Variants in CCND1 observed in about 807,000 individuals in gnomAD.
The protein encoded by CCND1 is cyclin D1.
CCND1 carries 9 observed loss-of-function variants against 26.1 expected under a neutral mutation model. The observed-to-expected ratio is 0.35, with a 90% CI of 0.21 to 0.60. The LOEUF (loss-of-function observed/expected upper bound fraction) is 0.60. CCND1 is among the 20% of genes least tolerant of loss of function. The probability of loss-of-function intolerance (pLI) is 0.79; values close to 1 mark genes in which losing one functional copy is unlikely to be tolerated. For missense variants in CCND1, 335 were observed against 392.9 expected (o/e 0.85, Z 1.25); for synonymous variants, 194 against 166.1 (o/e 1.17, Z -1.29).
At chr11:69,644,178 G>A (rs751546061) in intron 3 of CCND1, 187 bp downstream of exon 3, 6 of 637,840 alleles carry the variant, frequency 9.4e-6, no homozygotes, top group South Asian at 9.1e-5. Flanking sequence ...CTGGATGGAG[G>A]GAGATTTGCT....
At position 69,652,560 on chromosome 11, in the gene CCND1, C is replaced by T. The variant is rs1044555453; in HGVS notation, c.*1278C>T. On this transcript the variant is annotated 3_prime_UTR_variant, in exon 5 of 5. Transcript: ENST00000227507. ...TTTAAAGAAGTTGAAGTTTAGGAAT[C>T]CTTTGGTGCCAACTGGTGTTTGAAA... 2.6e-5 allele frequency: 6 copies of T among 233,142 alleles called. No homozygotes were observed. Among genetic ancestry groups the T allele is most frequent in the Admixed American group, 1.1e-4 (2 of 17,778 alleles). 14.4% of individuals were successfully genotyped at this position (233,142 alleles called of 1,614,324 possible). A position where few individuals can be genotyped will look rare whatever the true frequency, so the allele number is the denominator to read the frequency against.
At chr11:69,647,594 T>C (rs977940616) in intron 3 of CCND1, among the ~76,000 whole-genome samples, 3 of 152,234 alleles carry the variant, frequency 2.0e-5, no homozygotes, top group African/African-American at 7.2e-5. Flanking sequence ...GTTAGGGTCA[T>C]AGAAGCGACA....
At chr11:69,642,882 G>A (rs545015306) in intron 1 of CCND1, 149 bp from the exon 2 acceptor site, 21 of 433,276 alleles carry the variant, frequency 4.8e-5, no homozygotes, top group African/African-American at 3.3e-4. Flanking sequence ...GGGAGGGGGC[G>A]CATCACGGGA....
At chr11:69,642,809 G>A (rs1337787402) in intron 1 of CCND1, among the ~76,000 whole-genome samples, 1 of 151,878 alleles carries the variant, frequency 6.6e-6, no homozygotes, top group African/African-American at 2.4e-5. Flanking sequence ...CGCCCCCACC[G>A]TGCCAGCCTC....
At chr11:69,648,975 C>T (rs184685926) in intron 4 of CCND1, among the ~76,000 whole-genome samples, 20 of 152,322 alleles carry the variant, frequency 1.3e-4, no homozygotes, top group South Asian at 2.1e-4. Flanking sequence ...CTGGGAGTAG[C>T]GGCTGCCCAG....
chr11:69,654,018 T>A lies in CCND1; in HGVS notation c.*2736T>A. 1.7e-6 allele frequency: 1 copy of A among 599,388 alleles called. No homozygotes were observed. Among genetic ancestry groups the A allele is most frequent in the Non-Finnish European group, 3.0e-6 (1 of 336,118 alleles). The allele number at this position is 599,388 out of a possible 1,614,324, so 37.1% of individuals were successfully genotyped here. A position where few individuals can be genotyped will look rare whatever the true frequency, so the allele number is the denominator to read the frequency against. ...TGTGTGCCCCGGTCACCTAGCAAGC[T>A]GCCGAACCAAAAGAATTTGCACCCC... On this transcript the variant is annotated 3_prime_UTR_variant, in exon 5 of 5. Coordinates refer to ENST00000227507, the MANE Select transcript of CCND1 (RefSeq NM_053056.3). This position sits in a 1 kb window ranked among gnomAD's most constrained non-coding sequence, Gnocchi z 6.3.
At chr11:69,646,234 G>C (rs1448638384) in intron 3 of CCND1, among the ~76,000 whole-genome samples, 2 of 152,200 alleles carry the variant, frequency 1.3e-5, no homozygotes, top group African/African-American at 4.8e-5. Flanking sequence ...TTTCATTCAT[G>C]GCTCCCGGCT....
intron 1 of CCND1, 49 bp downstream of exon 1, chr11:69,641,560 C>T (rs1855700389): frequency 1.3e-6 from 2 of 1,569,356 alleles, no homozygotes; most frequent in Non-Finnish European, 8.7e-7. Context: ...AACTTGTTGC[C>T]CAGACCCACG....
chr11:69,650,089 T>C (rs1006925787), intron 4 of CCND1, among the ~76,000 whole-genome samples: 2 of 152,326 alleles, frequency 1.3e-5, no homozygotes, highest in Middle Eastern at 3.4e-3. Context: ...GCTATGCCTT[T>C]GTCCAGCCCC....
chr11:69,647,950 G>A (rs756456317), intron 3 of CCND1, 44 bp from the exon 4 acceptor site: 1 of 1,608,654 alleles, frequency 6.2e-7, no homozygotes, highest in Non-Finnish European at 8.5e-7. Flanking sequence ...GCCCTGAGAG[G>A]GTCCCCTGCT....
chr11:69,647,664 C>T (rs998372872), intron 3 of CCND1, among the ~76,000 whole-genome samples: 2 of 152,248 alleles, frequency 1.3e-5, no homozygotes, highest in African/African-American at 4.8e-5. Context: ...TGATAACATT[C>T]ACAAGGCTCA....
chr11:69,648,112 C>A lies in CCND1; in HGVS notation c.693C>A (p.Arg231=). 6.2e-7 allele frequency: 1 copy of A among 1,613,926 alleles called. No homozygotes were observed. The highest frequency in any genetic ancestry group is 1.1e-5 in the South Asian group (1 of 91,088). ...NNFLSYYRLT[R]FLSRVIKCDP... ...TCCTGTCCTACTACCGCCTCACACGCTTCCTCTCCAGAGTGATCAAGTGTG... is the reference window on the plus strand; with the variant it reads ...TCCTGTCCTACTACCGCCTCACACGATTCCTCTCCAGAGTGATCAAGTGTG... Residue 231 remains arginine (R), a synonymous_variant, in exon 4 of 5, where the codon CGC becomes CGA. Transcript: ENST00000227507.
chr11:69,645,061 C>A (rs1232303252), intron 3 of CCND1, among the ~76,000 whole-genome samples: 2 of 152,172 alleles, frequency 1.3e-5, no homozygotes, highest in Non-Finnish European at 2.9e-5. Flanking sequence ...AGGCGTGAGG[C>A]CTCCCCCACC....
Position 69,648,121 on chromosome 11 carries a change from CAG to C in CCND1, c.705_706del (p.Arg235SerfsTer5). The C allele has an allele frequency of 6.2e-7, 1 of 1,613,926 alleles. No individual in the cohort carries two copies. Among genetic ancestry groups the C allele is most frequent in the Non-Finnish European group, 8.5e-7 (1 of 1,180,010 alleles). On this transcript the variant is annotated frameshift_variant, in exon 4 of 5. Coordinates refer to ENST00000227507, the MANE Select transcript of CCND1 (RefSeq NM_053056.3). LOFTEE classifies it high-confidence loss of function. Reference protein sequence around the residue: ...SYYRLTRFLSRVIKCDPDCLR... With the variant: ...SYYRLTRFLSXVIKCDPDCLR... ...ACTACCGCCTCACACGCTTCCTCTC[CAG>C]AGTGATCAAGTGTGACCCGGTAAGT...
chr11:69,651,681 A>G lies in CCND1; in HGVS notation c.*399A>G. 1 of 242,466 alleles carries G rather than the reference A, an allele frequency of 4.1e-6. No homozygotes were observed. The allele number at this position is 242,466 out of a possible 1,614,324, so 15.0% of individuals were successfully genotyped here. On this transcript the variant is annotated 3_prime_UTR_variant, in exon 5 of 5. Transcript: ENST00000227507. ...GCGTCTCGGGAGAGGATTAGGTTCC[A>G]TCCTTTACGTGTTTAAAAAAAAGCA...
chr11:69,643,372 C>T lies in CCND1; in HGVS notation c.414+126C>T, dbSNP rs1371158733. 8.4e-6 allele frequency: 6 copies of T among 716,264 alleles called. No individual in the cohort carries two copies. In the Admixed American group the frequency reaches 2.3e-4, roughly 28 times the overall value. The allele number at this position is 716,264 out of a possible 1,614,324, so 44.4% of individuals were successfully genotyped here. On this transcript the variant is annotated intron_variant, in intron 2 of 4. Transcript: ENST00000227507. ...TATCTGCTCCTCCGAGGGAGGGCGG[C>T]CCCGCCGCCGGGCGTCCCTGTCCGG... is the stretch of plus-strand genomic sequence containing the variant.
At chr11:69,649,359 C>T (rs1855826515) in intron 4 of CCND1, among the ~76,000 whole-genome samples, 1 of 152,150 alleles carries the variant, frequency 6.6e-6, no homozygotes, top group South Asian at 2.1e-4. Context: ...GGGCGCTGGC[C>T]CTTATTTGAG....
Position 69,653,592 on chromosome 11 carries a change from G to A in CCND1, c.*2310G>A. ...GGCGCGATCCCACACAGGCTGGCGG[G>A]GGCCGGCCCCGAGGCCGCGTGCGTG... On this transcript the variant is annotated 3_prime_UTR_variant, in exon 5 of 5. Coordinates refer to ENST00000227507, the MANE Select transcript of CCND1 (RefSeq NM_053056.3). 2.0e-6 allele frequency: 1 copy of A among 501,932 alleles called. No homozygotes were observed. Among genetic ancestry groups the A allele is most frequent in the South Asian group, 2.6e-5 (1 of 38,310 alleles). 31.1% of individuals were successfully genotyped at this position (501,932 alleles called of 1,614,324 possible). A position where few individuals can be genotyped will look rare whatever the true frequency, so the allele number is the denominator to read the frequency against.
rs773730838 is a variant in CCND1 at position 69,651,989 on chromosome 11, G to A, written c.*707G>A. 13 of 232,904 alleles carry A rather than the reference G, an allele frequency of 5.6e-5. No individual in the cohort carries two copies. The highest frequency in any genetic ancestry group is 9.3e-5 in the Non-Finnish European group (11 of 117,970). The allele number at this position is 232,904 out of a possible 1,614,324, so 14.4% of individuals were successfully genotyped here. On this transcript the variant is annotated 3_prime_UTR_variant, in exon 5 of 5. Coordinates refer to ENST00000227507, the MANE Select transcript of CCND1 (RefSeq NM_053056.3). ...GCGTGCCCGTGTGCATGTCCTTTGCGCCTGTGACCACCACCCCAACAAACC... is the reference window on the plus strand; with the variant it reads ...GCGTGCCCGTGTGCATGTCCTTTGCACCTGTGACCACCACCCCAACAAACC...
Sources: gnomAD v4.1 joint callset for allele counts (sites outside exome capture counted in the v4.1 genomes callset) on GRCh38, gnomAD v4.1.1 for gene constraint, Gnocchi (gnomAD v3.1) non-coding constraint, MANE v1.5 for transcripts, NCBI Gene and HGNC (gene_info 2026-07-23, HGNC 2026-07-21) for gene names.